The following CNKSR3 variants were observed in gnomAD, a reference collection of about 807,000 sequenced individuals.
CNKSR3 encodes CNKSR family member 3.
CNKSR3 carries 36 observed loss-of-function variants against 67.7 expected under a neutral mutation model. The ratio of observed to expected loss-of-function variants is 0.53; its 90% confidence interval spans 0.41 to 0.70. The LOEUF is 0.70. Among genes scored for constraint, CNKSR3 ranks in the 30% least tolerant of loss-of-function variants. The pLI is 0.00. For synonymous variants in CNKSR3, 281 were observed against 271.4 expected (o/e 1.04, Z -0.35); for missense variants, 630 against 695.2 (o/e 0.91, Z 1.05).
At chr6:154,426,203 G>C (rs1246971739) in intron 7 of CNKSR3, among the ~76,000 whole-genome samples, 1 of 152,086 alleles carries the variant, frequency 6.6e-6, no homozygotes, top group African/African-American at 2.4e-5. Flanking sequence ...CTTCCATACA[G>C]TCCTACATGG....
In CNKSR3 at chr6:154,410,329, T is replaced by C; in HGVS notation, c.1369+14A>G. ...CCCATTTGCTGTTCCTTGGTTTGCT[T>C]GGATGAAACGTACCTTTCCTGCCAT... On this transcript the variant is annotated intron_variant, in intron 12 of 12. Coordinates refer to ENST00000607772, the MANE Select transcript of CNKSR3 (RefSeq NM_173515.4). 6.2e-7 allele frequency: 1 copy of C among 1,605,288 alleles called. No individual in the cohort carries two copies. Among genetic ancestry groups the C allele is most frequent in the Non-Finnish European group, 8.5e-7 (1 of 1,172,132 alleles).
At chr6:154,499,729 C>T (rs1174148867) in intron 1 of CNKSR3, among the ~76,000 whole-genome samples, 3 of 152,134 alleles carry the variant, frequency 2.0e-5, no homozygotes, top group Non-Finnish European at 2.9e-5. Context: ...CTCAGCCTCC[C>T]GAAGTGCTGG....
Position 154,401,668 on chromosome 6 carries a change from C to T in CNKSR3, c.*4686G>A, listed in dbSNP as rs1784719252. 2 of 152,224 alleles carry T rather than the reference C, an allele frequency of 1.3e-5. No homozygotes were observed. Among genetic ancestry groups the T allele is most frequent in the African/African-American group, 4.8e-5 (2 of 41,452 alleles). 9.4% of individuals were successfully genotyped at this position (152,224 alleles called of 1,614,324 possible). Reference sequence around the variant, plus strand: ...CTCCAAGGAAGTAGCTTGCAGTAGTCTCATCCCCACGGAAATGATGCAGTG... The same window carrying T: ...CTCCAAGGAAGTAGCTTGCAGTAGTTTCATCCCCACGGAAATGATGCAGTG... On this transcript the variant is annotated 3_prime_UTR_variant, in exon 13 of 13. Transcript: ENST00000607772.
intron 1 of CNKSR3, among the ~76,000 whole-genome samples, chr6:154,463,832 C>G (rs2128721265): frequency 6.6e-6 from 1 of 152,244 alleles, no homozygotes; most frequent in East Asian, 1.9e-4. Context: ...AATGCAGGAG[C>G]TGGGAAGGTG....
rs67203207 is a variant in CNKSR3, at chr6:154,394,614, T to TAAAA, written c.*11736_*11739dup. Reference sequence around the variant, plus strand: ...TATAGCATGAGCCTAATACAAGAAGTAAAAAAAAAAAAAAAAAAAAAGAAG... The same window carrying TAAAA: ...TATAGCATGAGCCTAATACAAGAAGTAAAAAAAAAAAAAAAAAAAAAAAAAGAAG... On this transcript the variant is annotated 3_prime_UTR_variant, in exon 13 of 13. Coordinates refer to ENST00000607772, the MANE Select transcript of CNKSR3 (RefSeq NM_173515.4). 4.7e-4 allele frequency: 32 copies of TAAAA among 67,696 alleles called. No individual in the cohort carries two copies. The highest frequency in any genetic ancestry group is 8.7e-4 in the African/African-American group (16 of 18,330). 4.2% of individuals were successfully genotyped at this position (67,696 alleles called of 1,614,324 possible). A position where few individuals can be genotyped will look rare whatever the true frequency, so the allele number is the denominator to read the frequency against.
In CNKSR3 at chr6:154,406,212, G is replaced by T; in HGVS notation, c.*142C>A. On this transcript the variant is annotated 3_prime_UTR_variant, in exon 13 of 13. Transcript: ENST00000607772. ...TCCAATCCTGCAAACTTCCAAGAAG[G>T]GCAGTAGATAACTTTTCAAAAGAAA... The T allele has an allele frequency of 1.4e-6, 1 of 736,716 alleles. No homozygotes were observed. 45.6% of individuals were successfully genotyped at this position (736,716 alleles called of 1,614,324 possible).
chr6:154,438,537 T>C (rs975924667), intron 4 of CNKSR3, among the ~76,000 whole-genome samples: 11 of 152,146 alleles, frequency 7.2e-5, no homozygotes, highest in African/African-American at 2.7e-4. Flanking sequence ...GTATTCCCAT[T>C]CTGTAAATGA....
At chr6:154,451,777 T>C (rs538131482) in intron 1 of CNKSR3, among the ~76,000 whole-genome samples, 45 of 152,220 alleles carry the variant, frequency 3.0e-4, no homozygotes, top group African/African-American at 1.0e-3. Context: ...CTATTAAATA[T>C]AGGAAGAGGA....
At chr6:154,443,537 T>C (rs1785647119) in intron 2 of CNKSR3, among the ~76,000 whole-genome samples, 1 of 151,826 alleles carries the variant, frequency 6.6e-6, no homozygotes, top group Non-Finnish European at 1.5e-5. Flanking sequence ...CTTCCTCCAC[T>C]GGGACGTGAG....
At chr6:154,507,699 G>A (rs1242847685) in intron 1 of CNKSR3, among the ~76,000 whole-genome samples, 4 of 152,104 alleles carry the variant, frequency 2.6e-5, no homozygotes, top group Non-Finnish European at 5.9e-5. Context: ...AAGGGCACAG[G>A]CATTTTGTAT....
intron 1 of CNKSR3, among the ~76,000 whole-genome samples, chr6:154,485,205 T>C (rs923803654): frequency 9.9e-5 from 15 of 152,146 alleles, no homozygotes; most frequent in African/African-American, 3.6e-4. Flanking sequence ...CCTATAATGT[T>C]TGGGAGGAGA....
intron 3 of CNKSR3, 114 bp from the exon 4 acceptor site, chr6:154,441,493 G>T: frequency 1.3e-6 from 1 of 768,382 alleles, no homozygotes; most frequent in Non-Finnish European, 2.2e-6. Context: ...TTTTTGTTTT[G>T]TTTTGTTTGA....
intron 6 of CNKSR3, among the ~76,000 whole-genome samples, chr6:154,429,082 G>A (rs1785311962): frequency 6.6e-6 from 1 of 152,200 alleles, no homozygotes; most frequent in African/African-American, 2.4e-5. Context: ...ATGCCTCACT[G>A]AGTGATACAC....
chr6:154,424,572 G>GT (rs1244325511), intron 7 of CNKSR3, among the ~76,000 whole-genome samples: 1 of 152,188 alleles, frequency 6.6e-6, no homozygotes, highest in Non-Finnish European at 1.5e-5. Flanking sequence ...CTAAATTGTT[G>GT]TGACAGGCTC....
At chr6:154,410,107 T>C (rs1784877224) in intron 12 of CNKSR3, among the ~76,000 whole-genome samples, 1 of 152,188 alleles carries the variant, frequency 6.6e-6, no homozygotes, top group Non-Finnish European at 1.5e-5. Context: ...CAGCACTCAA[T>C]GCTAATTAGG....
intron 1 of CNKSR3, among the ~76,000 whole-genome samples, chr6:154,475,181 C>T (rs576167038): frequency 8.5e-5 from 13 of 152,220 alleles, no homozygotes; most frequent in East Asian, 3.9e-4. Flanking sequence ...CAGGCCCATC[C>T]GACTCCAGAA....
chr6:154,484,382 A>C (rs1255257786), intron 1 of CNKSR3, among the ~76,000 whole-genome samples: 2 of 152,174 alleles, frequency 1.3e-5, no homozygotes, highest in Non-Finnish European at 2.9e-5. Context: ...GCATCTGAGC[A>C]CTGCCTCATA....
chr6:154,436,190 G>A (rs1032111270), intron 4 of CNKSR3, among the ~76,000 whole-genome samples: 1 of 152,194 alleles, frequency 6.6e-6, no homozygotes, highest in Non-Finnish European at 1.5e-5. Context: ...TCGTGTATGT[G>A]ACACAGGGTC....
At chr6:154,441,242 CAAAAAA>C (rs34887626) in intron 4 of CNKSR3, 44 bp downstream of exon 4, 2,017 of 845,736 alleles carry the variant, frequency 2.4e-3, no homozygotes, top group Middle Eastern at 3.1e-3. Flanking sequence ...AGAGGAAAAG[CAAAAAA>C]AAAAAAAAAA....
Sources: allele counts gnomAD v4.1 joint callset (sites outside exome capture counted in the v4.1 genomes callset), GRCh38; gene constraint gnomAD v4.1.1; transcripts MANE v1.5; gene names NCBI Gene and HGNC (gene_info 2026-07-23, HGNC 2026-07-21).